Variants in NFATC2 observed in about 807,000 individuals in gnomAD.
The protein encoded by NFATC2 is nuclear factor of activated T cells 2.
A neutral mutation model predicts 87.3 loss-of-function variants in NFATC2; 22 were observed. That is an observed-to-expected ratio of 0.25 (90% confidence interval 0.18 to 0.36). The LOEUF is 0.36. Ranked by LOEUF, NFATC2 falls within the 10% of genes least tolerant of loss-of-function variation. The pLI is 1.00. For missense variants in NFATC2, 1,149 were observed against 1,259.1 expected (o/e 0.91, Z 1.32); for synonymous variants, 565 against 542.2 (o/e 1.04, Z -0.58).
chr20:51,448,876 A>G (rs1374400446), intron 6 of NFATC2, among the ~76,000 whole-genome samples: 1 of 152,124 alleles, frequency 6.6e-6, no homozygotes, highest in Non-Finnish European at 1.5e-5. Flanking sequence ...TACAAATAAT[A>G]TAATAATCAT....
At chr20:51,419,873 G>T (rs1980616316) in intron 9 of NFATC2, among the ~76,000 whole-genome samples, 1 of 152,098 alleles carries the variant, frequency 6.6e-6, no homozygotes, top group Admixed American at 6.5e-5. Context: ...TGAGGACATT[G>T]CTAAGCCAGA....
chr20:51,541,550 C>T (rs2076817283), intron 1 of NFATC2, among the ~76,000 whole-genome samples: 1 of 152,154 alleles, frequency 6.6e-6, no homozygotes, highest in South Asian at 2.1e-4. Flanking sequence ...CAACTGAGGG[C>T]AGTTGGAGGC....
chr20:51,411,292 A>G (rs1411819963), intron 9 of NFATC2, among the ~76,000 whole-genome samples: 2 of 152,128 alleles, frequency 1.3e-5, no homozygotes, highest in African/African-American at 2.4e-5. Flanking sequence ...ATTTCATTTA[A>G]TAGTAAAGAC....
chr20:51,399,661 T>G (rs1274126366), intron 9 of NFATC2, among the ~76,000 whole-genome samples: 1 of 152,202 alleles, frequency 6.6e-6, no homozygotes, highest in Non-Finnish European at 1.5e-5. Flanking sequence ...ACTGCTGCCC[T>G]GGGGCAAAAG....
At chr20:51,405,999 A>G (rs1225991639) in intron 9 of NFATC2, among the ~76,000 whole-genome samples, 1 of 152,048 alleles carries the variant, frequency 6.6e-6, no homozygotes, top group African/African-American at 2.4e-5. Context: ...CTGGTCTCAA[A>G]CTCCTGACCT....
Position 51,474,079 on chromosome 20 carries a change from T to C in NFATC2, c.1609A>G (p.Arg537Gly). Residue 537 changes from arginine (R) to glycine (G), a missense_variant, in exon 5 of 11, where the codon AGA (arginine) becomes GGA (glycine). Physicochemically the swap from Arg to Gly is moderately radical, Grantham distance 125. This residue lies in a region of NFATC2 where 581 missense variants were observed against 649.7 expected (regional missense o/e 0.89). Transcript: ENST00000371564. ...ACCAGTCTCACCCGCGTGTTCTTTC[T>C]TCCAATGTCCGTCTCGCCTTTCCGC... ...ELRKGETDIG[R>G]KNTRVRLVFR... 1 of 1,614,230 alleles carries C rather than the reference T, an allele frequency of 6.2e-7. No individual in the cohort carries two copies. Among genetic ancestry groups the C allele is most frequent in the Non-Finnish European group, 8.5e-7 (1 of 1,180,040 alleles).
chr20:51,534,395 C>T (rs1215694921), intron 1 of NFATC2, among the ~76,000 whole-genome samples: 6 of 152,178 alleles, frequency 3.9e-5, no homozygotes, highest in Admixed American at 1.3e-4. Flanking sequence ...AGTGCAGTGG[C>T]GCAATCTCAG....
chr20:51,540,058 A>G (rs1157568111), intron 1 of NFATC2, among the ~76,000 whole-genome samples: 1 of 152,080 alleles, frequency 6.6e-6, no homozygotes, highest in Non-Finnish European at 1.5e-5. Flanking sequence ...CTTGTCACCC[A>G]GGCTGGAGTG....
chr20:51,402,320 A>G (rs1173740570), intron 9 of NFATC2, among the ~76,000 whole-genome samples: 9 of 152,148 alleles, frequency 5.9e-5, no homozygotes, highest in Admixed American at 5.2e-4. Context: ...AAGCAACCAC[A>G]CGGCTTCTAA....
chr20:51,415,228 A>G (rs1256283525), intron 9 of NFATC2, among the ~76,000 whole-genome samples: 1 of 146,652 alleles, frequency 6.8e-6, no homozygotes, highest in Admixed American at 7.0e-5. Context: ...CCTGAGTGAC[A>G]GAGTAAGACC....
At chr20:51,501,317 T>G (rs2076086520) in intron 3 of NFATC2, among the ~76,000 whole-genome samples, 2 of 152,210 alleles carry the variant, frequency 1.3e-5, no homozygotes, top group Non-Finnish European at 2.9e-5. Context: ...TTCCCTGGGT[T>G]ATGAGTTGGG....
intron 9 of NFATC2, among the ~76,000 whole-genome samples, chr20:51,413,899 G>A (rs943115121): frequency 6.6e-6 from 1 of 152,232 alleles, no homozygotes; most frequent in Admixed American, 6.5e-5. Context: ...TGCCTCTGCG[G>A]CTGCCATGAG....
intron 3 of NFATC2, among the ~76,000 whole-genome samples, chr20:51,508,581 C>G (rs189032197): frequency 6.6e-6 from 1 of 152,096 alleles, no homozygotes; most frequent in African/African-American, 2.4e-5. Context: ...TCACACACCC[C>G]GCTCTGCTAC....
In NFATC2 at chr20:51,458,887, T is replaced by C. The variant is rs183753755; in HGVS notation, c.1709-4199A>G. Among the ~76,000 whole-genome samples, 328 of 152,130 alleles carry C rather than the reference T, an allele frequency of 2.2e-3. 1 individual carries two copies. Among genetic ancestry groups the C allele is most frequent in the African/African-American group, 7.4e-3 (307 of 41,524 alleles). On this transcript the variant is annotated intron_variant, in intron 5 of 10. Transcript: ENST00000371564. The stretch of plus-strand genomic sequence containing the variant: ...TATCTGTGGTACCATCACTGCAGGG[T>C]AATACAGGGCCCTGGGAGCTGCAAG...
Position 51,542,628 on chromosome 20 carries a change from C to T in NFATC2, c.-129G>A, listed in dbSNP as rs1600999490. On this transcript the variant is annotated 5_prime_UTR_variant, in exon 1 of 11. Transcript: ENST00000371564. ...TCCCTTTCCTCGTAGGGACGCACGC[C>T]GGGTCCGGGGACGGCGCGCCTGGCG... 1.7e-6 allele frequency: 2 copies of T among 1,197,292 alleles called. No individual in the cohort carries two copies. The highest frequency in any genetic ancestry group is 2.1e-6 in the Non-Finnish European group (2 of 963,222). The allele number at this position is 1,197,292 out of a possible 1,614,324, so 74.2% of individuals were successfully genotyped here.
intron 6 of NFATC2, among the ~76,000 whole-genome samples, chr20:51,450,571 T>G (rs752261364): frequency 6.6e-5 from 10 of 152,120 alleles, no homozygotes; most frequent in Non-Finnish European, 1.5e-4. Flanking sequence ...CATATTTAAC[T>G]CCAGGAAAGA....
At position 51,508,588 on chromosome 20, in the gene NFATC2, C is replaced by G. The variant is rs577855796; in HGVS notation, c.1332+8196G>C. Among the ~76,000 whole-genome samples the G allele has an allele frequency of 3.5e-4, 53 of 152,204 alleles. No homozygotes were observed. In the South Asian group the frequency reaches 9.6e-3, roughly 27 times the overall value. Reference sequence around the variant, plus strand: ...CCCCCACATCACACACCCCGCTCTGCTACTCCCCACCCCATCCCCGCCTCC... The same window carrying G: ...CCCCCACATCACACACCCCGCTCTGGTACTCCCCACCCCATCCCCGCCTCC... On this transcript the variant is annotated intron_variant, in intron 3 of 10. Transcript: ENST00000371564.
chr20:51,543,175 C>T (rs1415033701), upstream of NFATC2, among the ~76,000 whole-genome samples: 2 of 152,172 alleles, frequency 1.3e-5, no homozygotes, highest in Admixed American at 6.5e-5. Flanking sequence ...CTGCATGGCC[C>T]TGAACTCAAC....
At chr20:51,516,278 A>G (rs1349642100) in intron 3 of NFATC2, among the ~76,000 whole-genome samples, 1 of 152,260 alleles carries the variant, frequency 6.6e-6, no homozygotes, top group African/African-American at 2.4e-5. Context: ...AGAATTAAGA[A>G]TAGAAATATA....
Sources: gnomAD v4.1 joint callset for allele counts (sites outside exome capture counted in the v4.1 genomes callset) on GRCh38, gnomAD v4.1.1 for gene constraint, gnomAD v4.1.1 regional missense constraint, MANE v1.5 for transcripts, NCBI Gene and HGNC (gene_info 2026-07-23, HGNC 2026-07-21) for gene names.